Variants in TRIP12 observed in about 807,000 individuals in gnomAD.
The protein encoded by TRIP12 is E3 ubiquitin-protein ligase TRIP12.
A neutral mutation model predicts 244.2 loss-of-function variants in TRIP12; 25 were observed. The ratio of observed to expected loss-of-function variants is 0.10; its 90% CI spans 0.07 to 0.14. The LOEUF (loss-of-function observed/expected upper bound fraction) is 0.14. TRIP12 is among the 10% of genes least tolerant of loss of function. The pLI, the probability that TRIP12 is intolerant of heterozygous loss-of-function variation, is 1.00. For synonymous variants in TRIP12, 905 were observed against 873.1 expected, an observed-to-expected ratio of 1.04 and a Z score of -0.64; for missense variants, 1,677 against 2,486.4, an observed-to-expected ratio of 0.67 and a Z score of 6.92.
intron 1 of TRIP12, among the ~76,000 whole-genome samples, chr2:229,904,043 A>T (rs919970330): frequency 9.9e-5 from 15 of 151,950 alleles, no homozygotes; most frequent in Admixed American, 9.2e-4. Context: ...ATCAAAAAAT[A>T]AAAATAAAAA....
rs779768458 is a variant in TRIP12 at position 229,818,522 on chromosome 2, A to C, written c.1451-10T>G. 22 of 1,609,686 alleles carry C rather than the reference A, an allele frequency of 1.4e-5. No individual in the cohort carries two copies. The highest frequency in any genetic ancestry group is 1.7e-6 in the Non-Finnish European group (2 of 1,178,364). On this transcript the variant is annotated splice_polypyrimidine_tract_variant and intron_variant, in intron 8 of 41. Transcript: ENST00000675903. ...TGCTGGGCCTTAGAACCTTTAGAGA[A>C]AAAAATAATTATTATCTTTAAACAT...
chr2:229,799,152 G>A (rs901739992), intron 22 of TRIP12, 103 bp from the exon 23 acceptor site: 13 of 1,526,374 alleles, frequency 8.5e-6, no homozygotes, highest in Non-Finnish European at 1.1e-5. Flanking sequence ...TTAACTGAAA[G>A]AACTAAGAAC....
At chr2:229,767,878 T>C (rs2032348758) in intron 41 of TRIP12, 128 bp from the exon 42 acceptor site, 1 of 916,358 alleles carries the variant, frequency 1.1e-6, no homozygotes, top group African/African-American at 1.7e-5. Context: ...CAATTGCACA[T>C]TCAATATACA....
chr2:229,829,294 GA>G lies in TRIP12; in HGVS notation c.1355-7del. The G allele has an allele frequency of 1.2e-6, 2 of 1,604,316 alleles. No individual in the cohort carries two copies. The highest frequency in any genetic ancestry group is 2.2e-5 in the East Asian group (1 of 44,562). ...ACCCCTTGCCTCTAACAAAGCTAAAGAAAAAAGAAGGGCAGAGTGAACAACT... is the reference window on the plus strand; with the variant it reads ...ACCCCTTGCCTCTAACAAAGCTAAAGAAAAAGAAGGGCAGAGTGAACAACT... On this transcript the variant is annotated splice_region_variant and splice_polypyrimidine_tract_variant and intron_variant, in intron 7 of 41. Coordinates refer to ENST00000675903, the MANE Select transcript of TRIP12 (RefSeq NM_001348323.3).
chr2:229,835,383 G>A (rs1327125747), intron 6 of TRIP12, among the ~76,000 whole-genome samples: 1 of 152,154 alleles, frequency 6.6e-6, no homozygotes, highest in Non-Finnish European at 1.5e-5. Context: ...TAAATAAATA[G>A]GGGAACAAAA....
At chr2:229,843,370 G>C (rs868267993) in intron 4 of TRIP12, among the ~76,000 whole-genome samples, 7 of 152,170 alleles carry the variant, frequency 4.6e-5, no homozygotes, top group South Asian at 4.1e-4. Flanking sequence ...CAGTTAGTAT[G>C]GTCTGCCTAA....
intron 4 of TRIP12, among the ~76,000 whole-genome samples, chr2:229,857,541 G>A (rs2059795560): frequency 6.6e-6 from 1 of 151,874 alleles, no homozygotes; most frequent in Admixed American, 6.6e-5. Flanking sequence ...TGAGACAGGA[G>A]AATTGCTTGA....
At position 229,795,280 on chromosome 2, in the gene TRIP12, A is replaced by G; in HGVS notation, c.3867T>C (p.Pro1289=). The part of the protein sequence containing the change: ...IGRVEPVGNA[P]LLALVHKMNN... ...TCATCTTGTGAACTAATGCCAACAA[A>G]GGTGCATTACCCACTGGTTCCACTC... Residue 1289 remains proline (P), a synonymous_variant, in exon 26 of 42, where the codon CCT becomes CCC. Coordinates refer to ENST00000675903, the MANE Select transcript of TRIP12 (RefSeq NM_001348323.3). 3.7e-6 allele frequency: 6 copies of G among 1,614,088 alleles called. No homozygotes were observed. Among genetic ancestry groups the G allele is most frequent in the Non-Finnish European group, 5.1e-6 (6 of 1,179,970 alleles).
chr2:229,871,082 G>A (rs988922103), intron 2 of TRIP12, among the ~76,000 whole-genome samples: 55 of 151,708 alleles, frequency 3.6e-4, no homozygotes, highest in Non-Finnish European at 4.4e-5. Flanking sequence ...GCTGACGCAG[G>A]AGGATCACCT....
intron 39 of TRIP12, 145 bp from the exon 40 acceptor site, chr2:229,769,470 AT>A (rs200018111): frequency 0.03 from 10,505 of 346,182 alleles, 9 homozygotes; most frequent in Middle Eastern, 0.071. Flanking sequence ...AAAAAAAAAA[AT>A]AATAATAAAA....
chr2:229,870,486 C>T (rs1242505907), intron 2 of TRIP12, among the ~76,000 whole-genome samples: 1 of 152,156 alleles, frequency 6.6e-6, no homozygotes, highest in Non-Finnish European at 1.5e-5. Context: ...CAAAATGTTA[C>T]AGTGCTTTGG....
At chr2:229,875,978 C>A (rs1334368855) in intron 2 of TRIP12, among the ~76,000 whole-genome samples, 1 of 152,118 alleles carries the variant, frequency 6.6e-6, no homozygotes, top group African/African-American at 2.4e-5. Flanking sequence ...ATAGGGGTTT[C>A]AAAAGTCAAT....
Position 229,793,006 on chromosome 2 carries a change from C to T in TRIP12, c.4108G>A (p.Val1370Ile), listed in dbSNP as rs1332901100. Residue 1370 changes from valine to isoleucine, a missense_variant, in exon 27 of 42, where the codon GTA becomes ATA. Coordinates refer to ENST00000675903, the MANE Select transcript of TRIP12 (RefSeq NM_001348323.3). ...GPVKIDPLAL[V>I]QAIERYLVVR... is the part of the protein sequence containing the mutation. ...ACAAGGTATCTCTCGATGGCTTGTA[C>T]CAAAGCCAGAGGGTCAATCTTGACA... 3.1e-6 allele frequency: 5 copies of T among 1,613,792 alleles called. No individual in the cohort carries two copies. The highest frequency in any genetic ancestry group is 3.4e-6 in the Non-Finnish European group (4 of 1,179,868).
rs2032159910 is a variant in TRIP12 at position 229,767,481 on chromosome 2, T to G, written c.*73A>C. The G allele has an allele frequency of 1.3e-6, 2 of 1,496,540 alleles. No individual in the cohort carries two copies. Among genetic ancestry groups the G allele is most frequent in the Non-Finnish European group, 1.8e-6 (2 of 1,119,534 alleles). 92.7% of individuals were successfully genotyped at this position (1,496,540 alleles called of 1,614,324 possible). ...GCGTAACATGTTTCCTTGACTCAGG[T>G]GATAACATTAGAAAAGAAATCATGA... On this transcript the variant is annotated 3_prime_UTR_variant, in exon 42 of 42. Transcript: ENST00000675903.
intron 15 of TRIP12, among the ~76,000 whole-genome samples, chr2:229,809,725 T>C (rs981147643): frequency 2.6e-5 from 4 of 152,110 alleles, no homozygotes; most frequent in African/African-American, 9.7e-5. Flanking sequence ...AATAGGGTTG[T>C]CTGGAATACC....
At chr2:229,816,054 G>T (rs1195032999) in intron 9 of TRIP12, among the ~76,000 whole-genome samples, 1 of 152,068 alleles carries the variant, frequency 6.6e-6, no homozygotes, top group African/African-American at 2.4e-5. Flanking sequence ...TTTCCTCCTT[G>T]GGGATAAGAC....
chr2:229,864,793 C>T (rs918416458), intron 2 of TRIP12, among the ~76,000 whole-genome samples: 3 of 152,124 alleles, frequency 2.0e-5, no homozygotes, highest in Non-Finnish European at 4.4e-5. Flanking sequence ...ATAATCAACT[C>T]TGGGTTATGT....
chr2:229,860,398 A>AGAT lies in TRIP12; in HGVS notation c.224+5_224+7dup, dbSNP rs2060275235. The AGAT allele has an allele frequency of 6.3e-7, 1 of 1,591,486 alleles. No homozygotes were observed. Among genetic ancestry groups the AGAT allele is most frequent in the South Asian group, 1.2e-5 (1 of 86,782 alleles). On this transcript the variant is annotated splice_region_variant and intron_variant, in intron 3 of 41. Coordinates refer to ENST00000675903, the MANE Select transcript of TRIP12 (RefSeq NM_001348323.3). ...CCTTGAAAATGTATAAGCAACATGAAGATTTACCTTTTAGAAAGGTGTCCC... is the reference window on the plus strand; with the variant it reads ...CCTTGAAAATGTATAAGCAACATGAAGATGATTTACCTTTTAGAAAGGTGTCCC...
At chr2:229,906,944 C>T (rs568458021) in intron 1 of TRIP12, among the ~76,000 whole-genome samples, 2 of 152,194 alleles carry the variant, frequency 1.3e-5, no homozygotes, top group South Asian at 4.1e-4. Flanking sequence ...GTCAAAGAGA[C>T]TATAATTAGC....
Sources: allele counts gnomAD v4.1 joint callset (sites outside exome capture counted in the v4.1 genomes callset), GRCh38; gene constraint gnomAD v4.1.1; transcripts MANE v1.5; gene names NCBI Gene and HGNC (gene_info 2026-07-23, HGNC 2026-07-21).